The following FMN2 variants were observed in gnomAD, a reference collection of about 807,000 sequenced individuals.
FMN2 encodes the protein formin-2.
A neutral mutation model predicts 142.3 loss-of-function variants in FMN2; 51 were observed. The observed-to-expected ratio is 0.36, with a 90% confidence interval of 0.29 to 0.45. The LOEUF (loss-of-function observed/expected upper bound fraction) is 0.45. Ranked by LOEUF, FMN2 falls within the 20% of genes least tolerant of loss-of-function variation. FMN2 has a pLI of 1.00. For missense variants in FMN2, 1,936 were observed against 2,122.8 expected (o/e 0.91, Z 1.73); for synonymous variants, 882 against 869.8 (o/e 1.01, Z -0.25).
intron 1 of FMN2, among the ~76,000 whole-genome samples, chr1:240,121,385 T>A (rs1056238678): frequency 5.3e-5 from 8 of 149,752 alleles, no homozygotes; most frequent in East Asian, 2.0e-4. Context: ...ATTTTTATTT[T>A]TTTTTTTTTG....
At chr1:240,109,052 A>C (rs1661711224) in intron 1 of FMN2, among the ~76,000 whole-genome samples, 1 of 152,020 alleles carries the variant, frequency 6.6e-6, no homozygotes, top group Non-Finnish European at 1.5e-5. Flanking sequence ...ACCCCAAAAA[A>C]CCCAAAAAAC....
At chr1:240,173,310 C>T (rs544628686) in intron 2 of FMN2, among the ~76,000 whole-genome samples, 1 of 152,282 alleles carries the variant, frequency 6.6e-6, no homozygotes, top group East Asian at 1.9e-4. Flanking sequence ...GTCCACCCTT[C>T]TCATCCTGAA....
intron 15 of FMN2, among the ~76,000 whole-genome samples, chr1:240,405,484 G>A (rs1444277140): frequency 6.6e-6 from 1 of 152,168 alleles, no homozygotes; most frequent in Admixed American, 6.5e-5. Flanking sequence ...AGGGCTTGGT[G>A]GCACATGCCT....
chr1:240,402,556 T>C (rs183819093), intron 15 of FMN2, among the ~76,000 whole-genome samples: 113 of 152,390 alleles, frequency 7.4e-4, no homozygotes, highest in African/African-American at 2.3e-3. Flanking sequence ...GCCATCATAT[T>C]GTATTACAAG....
intron 8 of FMN2, among the ~76,000 whole-genome samples, chr1:240,300,898 G>GTTTT (rs10693362): frequency 0.011 from 1,605 of 142,706 alleles, 20 homozygotes; most frequent in Non-Finnish European, 0.016. Flanking sequence ...CTGTGTGCAT[G>GTTTT]TTTTTTTTTT....
chr1:240,102,404 TAAAA>T (rs1255833029), intron 1 of FMN2, among the ~76,000 whole-genome samples: 18 of 152,190 alleles, frequency 1.2e-4, no homozygotes, highest in Non-Finnish European at 2.9e-5. Context: ...AAAAGTATAA[TAAAA>T]GAAATGAGGT....
chr1:240,447,009 A>G (rs1370942881), intron 16 of FMN2, among the ~76,000 whole-genome samples: 1 of 152,190 alleles, frequency 6.6e-6, no homozygotes, highest in Non-Finnish European at 1.5e-5. Context: ...ATGGATAATC[A>G]AAGACTATTC....
intron 2 of FMN2, among the ~76,000 whole-genome samples, chr1:240,138,937 T>C (rs1370277523): frequency 6.6e-6 from 1 of 152,224 alleles, no homozygotes; most frequent in Non-Finnish European, 1.5e-5. Context: ...TAATTATACT[T>C]GGATTAATAT....
chr1:240,369,860 C>A (rs940043955), intron 14 of FMN2, among the ~76,000 whole-genome samples: 4 of 152,122 alleles, frequency 2.6e-5, no homozygotes, highest in Non-Finnish European at 2.9e-5. Flanking sequence ...CCTTGCCTTG[C>A]ATGTTAGGAT....
At chr1:240,358,982 G>T (rs12081794) in intron 14 of FMN2, among the ~76,000 whole-genome samples, 1 of 151,946 alleles carries the variant, frequency 6.6e-6, no homozygotes, top group South Asian at 2.1e-4. Flanking sequence ...AAAGTTAGCC[G>T]GGTGTGGTGG....
chr1:240,269,580 G>A (rs1317410771), intron 7 of FMN2, among the ~76,000 whole-genome samples: 1 of 151,940 alleles, frequency 6.6e-6, no homozygotes. Flanking sequence ...TTTCTGTGAA[G>A]AATGACACTG....
chr1:240,215,740 A>G (rs1028519071), intron 6 of FMN2, among the ~76,000 whole-genome samples: 3 of 151,658 alleles, frequency 2.0e-5, no homozygotes, highest in Admixed American at 6.6e-5. Context: ...ATGGAGTCTC[A>G]CTCTGTTGCC....
At chr1:240,136,321 A>G (rs1397911571) in intron 2 of FMN2, among the ~76,000 whole-genome samples, 1 of 152,194 alleles carries the variant, frequency 6.6e-6, no homozygotes, top group Non-Finnish European at 1.5e-5. Flanking sequence ...TCCCCCGATC[A>G]TGAAGTTTTC....
At position 240,274,592 on chromosome 1, in the gene FMN2, G is replaced by A. The variant is rs548558681; in HGVS notation, c.4153+16560G>A. On this transcript the variant is annotated intron_variant, in intron 7 of 17. Coordinates refer to ENST00000319653, the MANE Select transcript of FMN2 (RefSeq NM_020066.5). ...TAACAGAGGGTTTAGGTAGAGGAAC[G>A]ATTGGTCTGATTTGTCTTCCAAGGG... Among the ~76,000 whole-genome samples, 57 of 152,210 alleles carry A rather than the reference G, an allele frequency of 3.7e-4. 1 individual carries two copies. Among genetic ancestry groups the A allele is most frequent in the Admixed American group, 2.2e-3 (34 of 15,276 alleles).
At chr1:240,229,134 T>G (rs1318238641) in intron 6 of FMN2, among the ~76,000 whole-genome samples, 1 of 152,156 alleles carries the variant, frequency 6.6e-6, no homozygotes, top group African/African-American at 2.4e-5. Flanking sequence ...AAACTGGTTT[T>G]ATTGCCTATT....
chr1:240,354,963 A>T (rs186483142), intron 13 of FMN2, among the ~76,000 whole-genome samples: 24 of 152,140 alleles, frequency 1.6e-4, no homozygotes, highest in Admixed American at 1.2e-3. Flanking sequence ...GTTTCTTGCT[A>T]TTACCAAAAT....
chr1:240,219,606 TTC>T (rs906087800), intron 6 of FMN2, among the ~76,000 whole-genome samples: 1 of 152,228 alleles, frequency 6.6e-6, no homozygotes, highest in African/African-American at 2.4e-5. Context: ...AATAAACTGT[TTC>T]TTTTTTAAAG....
At chr1:240,193,226 T>TA (rs1237264473) in intron 4 of FMN2, among the ~76,000 whole-genome samples, 1 of 152,180 alleles carries the variant, frequency 6.6e-6, no homozygotes, top group Non-Finnish European at 1.5e-5. Flanking sequence ...GTTCTCTGCT[T>TA]ATAAAGGAGG....
At chr1:240,468,949 C>T (rs939054740) in intron 16 of FMN2, among the ~76,000 whole-genome samples, 2 of 152,044 alleles carry the variant, frequency 1.3e-5, no homozygotes, top group East Asian at 1.9e-4. Flanking sequence ...TTTTTCCTGC[C>T]GAAAGTGTGG....
Sources: gnomAD v4.1 joint callset for allele counts (sites outside exome capture counted in the v4.1 genomes callset) on GRCh38, gnomAD v4.1.1 for gene constraint, MANE v1.5 for transcripts, NCBI Gene and HGNC (gene_info 2026-07-23, HGNC 2026-07-21) for gene names.